TMEM182: variants seen among roughly 807,000 people sequenced by gnomAD.
TMEM182 encodes transmembrane protein 182.
In TMEM182, 20 loss-of-function variants were observed where a neutral mutation model predicts 26.8. That is an observed-to-expected ratio of 0.75 (90% CI 0.53 to 1.09). The LOEUF (loss-of-function observed/expected upper bound fraction) is 1.09, where lower values mean the gene tolerates loss of function less well. Among genes scored for constraint, TMEM182 ranks in the 50% least tolerant of loss-of-function variants. TMEM182 has a pLI of 0.00. For synonymous variants in TMEM182, 109 were observed against 102.2 expected, an observed-to-expected ratio of 1.07 and a Z score of -0.40; for missense variants, 277 against 275.5, an observed-to-expected ratio of 1.01 and a Z score of -0.04.
chr2:102,741,372 T>C (rs1211443448), intron 1 of TMEM182, among the ~76,000 whole-genome samples: 1 of 152,160 alleles, frequency 6.6e-6, no homozygotes, highest in African/African-American at 2.4e-5. Context: ...GGTTCTTATG[T>C]TGAAGATCTG....
intron 3 of TMEM182, among the ~76,000 whole-genome samples, chr2:102,774,076 G>A (rs552507262): frequency 1.3e-5 from 2 of 151,946 alleles, no homozygotes; most frequent in Admixed American, 6.5e-5. Context: ...TCACACAAAT[G>A]TAATAATTAT....
chr2:102,793,185 T>A (rs1397494426), intron 3 of TMEM182, among the ~76,000 whole-genome samples: 1 of 152,200 alleles, frequency 6.6e-6, no homozygotes, highest in Non-Finnish European at 1.5e-5. Context: ...TTCCAATTCA[T>A]CTTTCAAACT....
In TMEM182 at chr2:102,803,650, G is replaced by A. The variant is rs183416521; in HGVS notation, c.469+5650G>A. 2.0e-3 allele frequency among the ~76,000 whole-genome samples: 303 copies of A among 152,252 alleles called. 1 individual carries two copies. Among genetic ancestry groups the A allele is most frequent in the African/African-American group, 6.7e-3 (280 of 41,542 alleles). ...TCCTTAATACTAGAAAAAACAGCTC[G>A]CAGAAACCAAGCAACATAGTTCAGG... is the stretch of plus-strand genomic sequence containing the variant. On this transcript the variant is annotated intron_variant, in intron 4 of 4. Coordinates refer to ENST00000412401, the MANE Select transcript of TMEM182 (RefSeq NM_144632.5).
intron 3 of TMEM182, among the ~76,000 whole-genome samples, chr2:102,837,911 C>T (rs533159154): frequency 6.6e-6 from 1 of 152,258 alleles, no homozygotes; most frequent in East Asian, 1.9e-4. Context: ...ATTCATGGGG[C>T]TTAGGGCAAA....
At chr2:102,835,189 G>A (rs956494104) in intron 3 of TMEM182, among the ~76,000 whole-genome samples, 2 of 152,178 alleles carry the variant, frequency 1.3e-5, no homozygotes, top group African/African-American at 4.8e-5. Context: ...TAATACAAAT[G>A]CTTGGCAAAT....
At chr2:102,822,812 C>G (rs1385858949) in intron 3 of TMEM182, among the ~76,000 whole-genome samples, 2 of 148,048 alleles carry the variant, frequency 1.4e-5, no homozygotes, top group Non-Finnish European at 3.0e-5. Context: ...TGTGGAGGGA[C>G]GGTGGTGCCT....
chr2:102,839,806 C>T (rs907121209), intron 3 of TMEM182, among the ~76,000 whole-genome samples: 5 of 152,124 alleles, frequency 3.3e-5, no homozygotes, highest in Non-Finnish European at 7.3e-5. Context: ...TCACTCTCAG[C>T]GTGCGACTTC....
chr2:102,737,123 A>T, intron 1 of TMEM182: 1 of 325,998 alleles, frequency 3.1e-6, no homozygotes, highest in Non-Finnish European at 5.6e-6. Context: ...ATTGAGCTTC[A>T]CTTCCTCCTA....
chr2:102,783,597 C>T (rs1171644184), intron 3 of TMEM182, among the ~76,000 whole-genome samples: 2 of 152,168 alleles, frequency 1.3e-5, no homozygotes, highest in Non-Finnish European at 2.9e-5. Flanking sequence ...CAGGGAGGTA[C>T]TGCACTCAGT....
Position 102,816,564 on chromosome 2 carries a change from A to C in TMEM182, c.*1596A>C, listed in dbSNP as rs1054084341. ...ATAATAATAAAGCTCCAGAGGCCTA[A>C]CTGGTTTCTCAAGTCATTTCAGTGA... is the stretch of plus-strand genomic sequence containing the variant. On this transcript the variant is annotated 3_prime_UTR_variant, in exon 5 of 5. Transcript: ENST00000412401. 1.0e-6 allele frequency: 1 copy of C among 982,664 alleles called. No individual in the cohort carries two copies. Among genetic ancestry groups the C allele is most frequent in the African/African-American group, 1.8e-5 (1 of 56,732 alleles). The allele number at this position is 982,664 out of a possible 1,614,324, so 60.9% of individuals were successfully genotyped here.
At chr2:102,835,651 T>G (rs546549897) in intron 3 of TMEM182, among the ~76,000 whole-genome samples, 1 of 152,308 alleles carries the variant, frequency 6.6e-6, no homozygotes, top group African/African-American at 2.4e-5. Context: ...TTCACCATTT[T>G]TATAGCTTTG....
chr2:102,802,014 G>T (rs528848935), intron 4 of TMEM182, among the ~76,000 whole-genome samples: 2 of 152,340 alleles, frequency 1.3e-5, no homozygotes, highest in South Asian at 2.1e-4. Flanking sequence ...CGCTCTTGAG[G>T]CTTCCATGCC....
intron 1 of TMEM182, among the ~76,000 whole-genome samples, chr2:102,737,772 T>C: frequency 6.6e-6 from 1 of 152,200 alleles, no homozygotes; most frequent in East Asian, 1.9e-4. Context: ...CCATGACACA[T>C]GGTAAGTAAT....
chr2:102,755,415 C>T (rs59315280), intron 1 of TMEM182, among the ~76,000 whole-genome samples: 2,397 of 152,212 alleles, frequency 0.016, 61 homozygotes, highest in African/African-American at 0.051. Context: ...AAAGCTAGCA[C>T]GTCACCGTTT....
chr2:102,792,698 G>A (rs1376166185), intron 3 of TMEM182, among the ~76,000 whole-genome samples: 3 of 152,186 alleles, frequency 2.0e-5, no homozygotes, highest in African/African-American at 7.2e-5. Context: ...GCATAGGCAG[G>A]AAACAAAGCA....
chr2:102,765,717 A>G (rs529648404), intron 3 of TMEM182, among the ~76,000 whole-genome samples: 1 of 152,218 alleles, frequency 6.6e-6, no homozygotes, highest in African/African-American at 2.4e-5. Context: ...TAAAGAGGGT[A>G]TGAGGTCTGG....
chr2:102,832,174 A>G (rs1683166255), intron 3 of TMEM182, among the ~76,000 whole-genome samples: 1 of 152,202 alleles, frequency 6.6e-6, no homozygotes, highest in Non-Finnish European at 1.5e-5. Flanking sequence ...CATTTTGTTC[A>G]GAATTCAAAT....
intron 4 of TMEM182, among the ~76,000 whole-genome samples, chr2:102,798,838 TAAAA>T (rs879341029): frequency 6.8e-6 from 1 of 146,048 alleles, no homozygotes; most frequent in Admixed American, 6.8e-5. Flanking sequence ...AGACTTTGTC[TAAAA>T]AAAAAAAATA....
In TMEM182 at chr2:102,817,283, C is replaced by T. The variant is rs1352830399; in HGVS notation, c.*2315C>T. ...TTATTAATTTTTAGAAGCCTTTAAA[C>T]TGTGTTAGAATCTTTTTGAAAAATG... On this transcript the variant is annotated 3_prime_UTR_variant, in exon 5 of 5. Coordinates refer to ENST00000412401, the MANE Select transcript of TMEM182 (RefSeq NM_144632.5). 1.0e-6 allele frequency: 1 copy of T among 985,156 alleles called. No individual in the cohort carries two copies. Among genetic ancestry groups the T allele is most frequent in the African/African-American group, 1.7e-5 (1 of 57,216 alleles). The allele number at this position is 985,156 out of a possible 1,614,324, so 61.0% of individuals were successfully genotyped here.
Sources: gnomAD v4.1 joint callset for allele counts (sites outside exome capture counted in the v4.1 genomes callset) on GRCh38, gnomAD v4.1.1 for gene constraint, MANE v1.5 for transcripts, NCBI Gene and HGNC (gene_info 2026-07-23, HGNC 2026-07-21) for gene names.